Variants in ARL2 observed in about 807,000 individuals in gnomAD.
The protein encoded by ARL2 is ADP-ribosylation factor-like protein 2.
In ARL2, 11 loss-of-function variants were observed where a neutral mutation model predicts 22.0. The observed-to-expected ratio is 0.50, with a 90% CI of 0.31 to 0.83. The LOEUF is 0.83. Ranked by LOEUF, ARL2 falls within the 40% of genes least tolerant of loss-of-function variation. ARL2 has a pLI of 0.04. For synonymous variants in ARL2, 111 were observed against 100.8 expected (o/e 1.10, Z -0.61); for missense variants, 216 against 243.2 (o/e 0.89, Z 0.74).
intron 4 of ARL2, 156 bp from the exon 5 acceptor site, chr11:65,021,565 A>G: frequency 1.1e-6 from 1 of 948,820 alleles, no homozygotes; most frequent in Non-Finnish European, 1.5e-6. Context: ...GGTCTGACAA[A>G]CTCTCCCTGG....
chr11:65,014,704 C>A (rs1047536557), intron 1 of ARL2, among the ~76,000 whole-genome samples: 1 of 152,194 alleles, frequency 6.6e-6, no homozygotes, highest in Admixed American at 6.5e-5. Flanking sequence ...CGTGTGGGCT[C>A]CGCGGATCCT....
chr11:65,020,399 C>G lies in ARL2; in HGVS notation c.340-20C>G. On this transcript the variant is annotated intron_variant, in intron 3 of 4. Coordinates refer to ENST00000246747, the MANE Select transcript of ARL2 (RefSeq NM_001667.4). ...TGTCCTCTGAGTCCCCACCCCACCCCTCTATCTTTTCTCCCCCAGCGCCTG... is the reference window on the plus strand; with the variant it reads ...TGTCCTCTGAGTCCCCACCCCACCCGTCTATCTTTTCTCCCCCAGCGCCTG... 1 of 1,604,300 alleles carries G rather than the reference C, an allele frequency of 6.2e-7. No homozygotes were observed. The highest frequency in any genetic ancestry group is 8.5e-7 in the Non-Finnish European group (1 of 1,173,358).
Position 65,018,921 on chromosome 11 carries a change from C to T in ARL2, c.339+188C>T. 1 of 1,531,156 alleles carries T rather than the reference C, an allele frequency of 6.5e-7. No individual in the cohort carries two copies. The highest frequency in any genetic ancestry group is 8.7e-7 in the Non-Finnish European group (1 of 1,144,370). The allele number at this position is 1,531,156 out of a possible 1,614,324, so 94.8% of individuals were successfully genotyped here. On this transcript the variant is annotated intron_variant, in intron 3 of 4. Transcript: ENST00000246747. This position sits in a 1 kb window ranked among gnomAD's most constrained non-coding sequence, Gnocchi z 4.2. Reference sequence around the variant, plus strand: ...CTGTGGACTGAGATTGAGTTAACGTCCCTGTGGTGTTACTACGTCACTACC... The same window carrying T: ...CTGTGGACTGAGATTGAGTTAACGTTCCTGTGGTGTTACTACGTCACTACC...
rs576554039 is a variant in ARL2, at chr11:65,021,460, C to T, written c.421-261C>T. On this transcript the variant is annotated intron_variant, in intron 4 of 4. Coordinates refer to ENST00000246747, the MANE Select transcript of ARL2 (RefSeq NM_001667.4). ...TGTGTGGGGCTCCTAGCACGATGCC[C>T]GGATCCTGGTGGATGCTCAGGAGCC... 176 of 421,130 alleles carry T rather than the reference C, an allele frequency of 4.2e-4. No homozygotes were observed. The South Asian group carries it at 9.1e-3, about 22-fold the overall frequency. 26.1% of individuals were successfully genotyped at this position (421,130 alleles called of 1,614,324 possible).
At chr11:65,016,289 A>T (rs1405956179) in intron 1 of ARL2, among the ~76,000 whole-genome samples, 1 of 150,908 alleles carries the variant, frequency 6.6e-6, no homozygotes, top group Non-Finnish European at 1.5e-5. Context: ...GAAACTTTAA[A>T]GCAAAGGGAA....
At chr11:65,014,912 C>G (rs1433250437) in intron 1 of ARL2, among the ~76,000 whole-genome samples, 1 of 152,234 alleles carries the variant, frequency 6.6e-6, no homozygotes, top group Non-Finnish European at 1.5e-5. Flanking sequence ...AAGACGCTTA[C>G]GTGCACATAT....
rs1946288667 is a variant in ARL2 at position 65,018,653 on chromosome 11, C to G, written c.259C>G (p.Leu87Val). Residue 87 changes from leucine to valine, a missense_variant, in exon 3 of 5, where the codon CTC (leucine) becomes GTC (valine). Coordinates refer to ENST00000246747, the MANE Select transcript of ARL2 (RefSeq NM_001667.4). This position sits in a 1 kb window ranked among gnomAD's most constrained non-coding sequence, Gnocchi z 4.2. ...GAACTACTTTGAGAGCACCGATGGC[C>G]TCATCTGGGTAGTGGACAGCGCAGA... ...WRNYFESTDG[L>V]IWVVDSADRQ... The G allele has an allele frequency of 6.2e-7, 1 of 1,614,076 alleles. No individual in the cohort carries two copies. Among genetic ancestry groups the G allele is most frequent in the African/African-American group, 1.3e-5 (1 of 74,944 alleles).
chr11:65,020,838 T>C (rs1946319320), intron 4 of ARL2, among the ~76,000 whole-genome samples: 1 of 144,242 alleles, frequency 6.9e-6, no homozygotes, highest in Admixed American at 7.1e-5. Context: ...CATTGTACTC[T>C]AGCCTGTGGG....
intron 1 of ARL2, 64 bp downstream of exon 1, chr11:65,014,336 G>T (rs1250787567): frequency 7.1e-7 from 1 of 1,399,468 alleles, no homozygotes; most frequent in Non-Finnish European, 9.5e-7. Flanking sequence ...GGTGCCGGGC[G>T]CCCCCTGTCG....
chr11:65,015,835 C>T (rs923845659), intron 1 of ARL2, among the ~76,000 whole-genome samples: 4 of 151,974 alleles, frequency 2.6e-5, no homozygotes, highest in Non-Finnish European at 5.9e-5. Flanking sequence ...GGAACAGGGC[C>T]TTATACTGCT....
intron 4 of ARL2, chr11:65,021,385 C>T (rs757605128): frequency 2.4e-5 from 6 of 252,360 alleles, no homozygotes; most frequent in Non-Finnish European, 4.5e-5. Context: ...GTGAAATGGT[C>T]GACACAATCC....
chr11:65,020,438 T>G lies in ARL2; in HGVS notation c.359T>G (p.Leu120Arg). Residue 120 changes from leucine to arginine, a missense_variant, in exon 4 of 5, where the codon CTC becomes CGC. By Grantham distance (102) the Leu-to-Arg change is moderately radical (BLOSUM62 -2). Coordinates refer to ENST00000246747, the MANE Select transcript of ARL2 (RefSeq NM_001667.4). ...LVEERLAGAT[L>R]LIFANKQDLP... ...CCCCAGCGCCTGGCCGGAGCAACCC[T>G]CCTCATCTTTGCTAATAAGCAGGAC... The G allele has an allele frequency of 6.2e-7, 1 of 1,611,524 alleles. No individual in the cohort carries two copies. The highest frequency in any genetic ancestry group is 8.5e-7 in the Non-Finnish European group (1 of 1,178,610).
chr11:65,018,518 G>A lies in ARL2; in HGVS notation c.176+44G>A, dbSNP rs1427383596. The stretch of plus-strand genomic sequence containing the variant: ...GGAGGGCCAGCCCAGAGCAGGGCAG[G>A]GAAGGTGGGAGAGGGGCCCAGCTGA... On this transcript the variant is annotated intron_variant, in intron 2 of 4. Coordinates refer to ENST00000246747, the MANE Select transcript of ARL2 (RefSeq NM_001667.4). The surrounding 1 kb of genome is among the most constrained non-coding windows in gnomAD (Gnocchi z 4.2). The A allele has an allele frequency of 4.4e-6, 7 of 1,602,046 alleles. No homozygotes were observed. The highest frequency in any genetic ancestry group is 1.3e-5 in the African/African-American group (1 of 74,784).
In ARL2 at chr11:65,021,900, T is replaced by C; in HGVS notation, c.*45T>C. On this transcript the variant is annotated 3_prime_UTR_variant, in exon 5 of 5. Transcript: ENST00000246747. ...ACCTAGCAGTCCAGGTCCCTCAACC[T>C]TCACCAAACACTACCCATGGGGGGT... is the stretch of plus-strand genomic sequence containing the variant. 6.3e-7 allele frequency: 1 copy of C among 1,589,484 alleles called. No homozygotes were observed.
chr11:65,014,566 G>T (rs1565179260), intron 1 of ARL2, among the ~76,000 whole-genome samples: 1 of 152,192 alleles, frequency 6.6e-6, no homozygotes, highest in East Asian at 1.9e-4. Flanking sequence ...CCACCACCCG[G>T]CGGCCTGGCC....
chr11:65,018,483 G>T lies in ARL2; in HGVS notation c.176+9G>T. On this transcript the variant is annotated intron_variant, in intron 2 of 4. Transcript: ENST00000246747. The surrounding 1 kb of genome is among the most constrained non-coding windows in gnomAD (Gnocchi z 4.2). ...ACCCTGGAGCACCGAGGGTGAGCAG[G>T]GGCCCCATGGGAGGGCCAGCCCAGA... 6.2e-7 allele frequency: 1 copy of T among 1,605,232 alleles called. No individual in the cohort carries two copies.
At chr11:65,016,274 G>C (rs992952488) in intron 1 of ARL2, among the ~76,000 whole-genome samples, 54 of 144,696 alleles carry the variant, frequency 3.7e-4, no homozygotes, top group East Asian at 6.9e-4. Flanking sequence ...AATTCGGGGG[G>C]GGGGGAAACT....
At chr11:65,015,121 T>C (rs1946234621) in intron 1 of ARL2, among the ~76,000 whole-genome samples, 1 of 152,132 alleles carries the variant, frequency 6.6e-6, no homozygotes. Flanking sequence ...TGTTTTATTT[T>C]GTTTTGTTTG....
chr11:65,019,209 C>T (rs982272207), intron 3 of ARL2: 4 of 269,398 alleles, frequency 1.5e-5, no homozygotes, highest in African/African-American at 2.2e-5. Flanking sequence ...TGCACTCCAG[C>T]CTCCTGGGCG....
Sources: allele counts gnomAD v4.1 joint callset (sites outside exome capture counted in the v4.1 genomes callset), GRCh38; gene constraint gnomAD v4.1.1; non-coding constraint Gnocchi (gnomAD v3.1); transcripts MANE v1.5; gene names NCBI Gene and HGNC (gene_info 2026-07-23, HGNC 2026-07-21).